ADGRL3: variants seen among roughly 807,000 people sequenced by gnomAD.
ADGRL3 encodes the protein calcium-independent alpha-latrotoxin receptor 3.
A neutral mutation model predicts 153.5 loss-of-function variants in ADGRL3; 62 were observed. That is an observed-to-expected ratio of 0.40 (90% CI 0.33 to 0.50). The LOEUF is 0.50. Ranked by LOEUF, ADGRL3 falls within the 20% of genes least tolerant of loss-of-function variation. The pLI, the probability that ADGRL3 is intolerant of heterozygous loss-of-function variation, is 0.47. For missense variants in ADGRL3, 1,641 were observed against 1,859.4 expected (o/e 0.88, Z 2.16); for synonymous variants, 710 against 672.5 (o/e 1.06, Z -0.86).
rs919855288 is a variant in ADGRL3 at position 61,697,527 on chromosome 4, C to T, written c.583+20592C>T. 2.0e-5 allele frequency among the ~76,000 whole-genome samples: 3 copies of T among 148,870 alleles called. No homozygotes were observed. In the Admixed American group the frequency reaches 2.0e-4, roughly 10 times the overall value. On this transcript the variant is annotated intron_variant, in intron 6 of 26. Coordinates refer to ENST00000683033, the MANE Select transcript of ADGRL3 (RefSeq NM_001387552.1). ...TAAGCCAAGATCACGCCATTACACT[C>T]CAGCCGGGATGGCAAAAGTGAAACT...
chr4:61,418,658 G>T (rs897256967), intron 2 of ADGRL3, among the ~76,000 whole-genome samples: 1 of 150,806 alleles, frequency 6.6e-6, no homozygotes, highest in African/African-American at 2.5e-5. Flanking sequence ...TTTAAATACA[G>T]AAGCAGCATT....
intron 8 of ADGRL3, among the ~76,000 whole-genome samples, chr4:61,792,105 G>T (rs1362082629): frequency 1.3e-5 from 2 of 152,196 alleles, no homozygotes; most frequent in Non-Finnish European, 2.9e-5. Context: ...CAGAAAATGA[G>T]ATTTTCTTTT....
In ADGRL3 at chr4:61,200,366, G is replaced by T. The variant is rs1487583608; in HGVS notation, c.-1639G>T. On this transcript the variant is annotated 5_prime_UTR_variant, in exon 1 of 27. Coordinates refer to ENST00000683033, the MANE Select transcript of ADGRL3 (RefSeq NM_001387552.1). Reference sequence around the variant, plus strand: ...CCGGCCCCGGCTGCGCCTACCCCGCGCGCAGGCTGCACGGTCCCCGCGCGC... The same window carrying T: ...CCGGCCCCGGCTGCGCCTACCCCGCTCGCAGGCTGCACGGTCCCCGCGCGC... Among the ~76,000 whole-genome samples the T allele has an allele frequency of 6.6e-6, 1 of 150,770 alleles. No individual in the cohort carries two copies. The highest frequency in any genetic ancestry group is 6.6e-5 in the Admixed American group (1 of 15,178).
At chr4:61,372,094 C>A in intron 1 of ADGRL3, among the ~76,000 whole-genome samples, 1 of 152,034 alleles carries the variant, frequency 6.6e-6, no homozygotes, top group Non-Finnish European at 1.5e-5. Flanking sequence ...CTCCTTTAAG[C>A]ACTTCTCTGT....
At chr4:61,750,988 G>A (rs1451204581) in intron 8 of ADGRL3, among the ~76,000 whole-genome samples, 1 of 152,124 alleles carries the variant, frequency 6.6e-6, no homozygotes, top group East Asian at 1.9e-4. Flanking sequence ...CGCAGATGTT[G>A]AGCAGCAGGT....
chr4:61,642,480 G>T (rs1255413393), intron 5 of ADGRL3, among the ~76,000 whole-genome samples: 3 of 152,084 alleles, frequency 2.0e-5, no homozygotes, highest in Non-Finnish European at 4.4e-5. Flanking sequence ...TGTAAGGAAG[G>T]GATCCAGTTT....
chr4:61,680,561 A>G (rs985897436), intron 6 of ADGRL3, among the ~76,000 whole-genome samples: 2 of 151,910 alleles, frequency 1.3e-5, no homozygotes, highest in Non-Finnish European at 2.9e-5. Context: ...ATATAGACAG[A>G]GTCAATAAAG....
chr4:61,968,107 T>G (rs771457845), intron 17 of ADGRL3, among the ~76,000 whole-genome samples: 3 of 152,194 alleles, frequency 2.0e-5, no homozygotes, highest in Non-Finnish European at 4.4e-5. Flanking sequence ...ATCAACACAG[T>G]TGCATTGAGG....
intron 9 of ADGRL3, among the ~76,000 whole-genome samples, chr4:61,818,197 A>G (rs571277064): frequency 6.6e-6 from 1 of 152,208 alleles, no homozygotes; most frequent in Admixed American, 6.5e-5. Flanking sequence ...GAGGCAGTAG[A>G]TAAGTACAGC....
chr4:61,428,750 C>T (rs1488699648), intron 2 of ADGRL3, among the ~76,000 whole-genome samples: 6 of 151,986 alleles, frequency 3.9e-5, no homozygotes, highest in East Asian at 1.9e-4. Context: ...AATGCTTAGC[C>T]GGTATCTGTA....
intron 1 of ADGRL3, among the ~76,000 whole-genome samples, chr4:61,367,104 AG>A (rs2096411993): frequency 1.3e-5 from 2 of 152,242 alleles, no homozygotes; most frequent in Non-Finnish European, 2.9e-5. Context: ...AAGTTAAAGT[AG>A]CACATTGAAA....
At chr4:61,777,581 A>G (rs1438449042) in intron 8 of ADGRL3, among the ~76,000 whole-genome samples, 1 of 152,150 alleles carries the variant, frequency 6.6e-6, no homozygotes, top group Non-Finnish European at 1.5e-5. Context: ...CAGGACTGAT[A>G]GTTCACTTAG....
intron 6 of ADGRL3, among the ~76,000 whole-genome samples, chr4:61,689,248 A>T (rs747705421): frequency 6.6e-6 from 1 of 152,050 alleles, no homozygotes; most frequent in Non-Finnish European, 1.5e-5. Context: ...CTCATATATA[A>T]CAAGCCTCTC....
rs1178772578 is a variant in ADGRL3 at position 61,869,991 on chromosome 4, G to GGA, written c.1481-22646_1481-22645dup. Among the ~76,000 whole-genome samples, 288 of 80,934 alleles carry GGA rather than the reference G, an allele frequency of 3.6e-3. 2 individuals carry two copies. In the East Asian group the frequency reaches 0.043, roughly 12 times the overall value. The allele number at this position is 80,934 out of a possible 152,430, so 53.1% of individuals were successfully genotyped here. On this transcript the variant is annotated intron_variant, in intron 9 of 26. Coordinates refer to ENST00000683033, the MANE Select transcript of ADGRL3 (RefSeq NM_001387552.1). ...GAGAGAGAGAAAGAGAGAGAGAGAG[G>GGA]GAGAGAGAGAGAGAGAGAGAAAGGA...
chr4:61,713,506 T>C (rs2096044500), intron 6 of ADGRL3, among the ~76,000 whole-genome samples: 1 of 151,902 alleles, frequency 6.6e-6, no homozygotes, highest in African/African-American at 2.4e-5. Flanking sequence ...TTATATTCTC[T>C]CAGAATCTTA....
At chr4:61,978,854 T>C (rs1257498372) in intron 17 of ADGRL3, among the ~76,000 whole-genome samples, 3 of 148,196 alleles carry the variant, frequency 2.0e-5, no homozygotes, top group Admixed American at 1.4e-4. Context: ...TTATTTTCTG[T>C]CAATGTATAA....
intron 4 of ADGRL3, among the ~76,000 whole-genome samples, chr4:61,566,218 A>C (rs942511020): frequency 6.6e-6 from 1 of 152,162 alleles, no homozygotes; most frequent in Non-Finnish European, 1.5e-5. Flanking sequence ...CTATGAAGAC[A>C]AGATTTGTTT....
chr4:61,240,478 C>T (rs559831519), intron 1 of ADGRL3, among the ~76,000 whole-genome samples: 3 of 152,132 alleles, frequency 2.0e-5, no homozygotes, highest in East Asian at 1.9e-4. Context: ...TCACAAATTT[C>T]GTATAAGAAA....
At chr4:61,242,595 A>C (rs900256899) in intron 1 of ADGRL3, among the ~76,000 whole-genome samples, 1 of 152,060 alleles carries the variant, frequency 6.6e-6, no homozygotes, top group Non-Finnish European at 1.5e-5. Flanking sequence ...GTCTTTGGGT[A>C]TATCAGTAAG....
Sources: gnomAD v4.1 joint callset for allele counts (sites outside exome capture counted in the v4.1 genomes callset) on GRCh38, gnomAD v4.1.1 for gene constraint, MANE v1.5 for transcripts, NCBI Gene and HGNC (gene_info 2026-07-23, HGNC 2026-07-21) for gene names.